Variants in SLAIN2 observed in about 807,000 individuals in gnomAD.
SLAIN2 encodes the protein SLAIN motif-containing protein 2.
SLAIN2 carries 31 observed loss-of-function variants against 56.6 expected under a neutral mutation model. That is an observed-to-expected ratio of 0.55 (90% CI 0.41 to 0.74). SLAIN2 has a LOEUF of 0.74. SLAIN2 is among the 30% of genes least tolerant of loss of function. The pLI is 0.00. For synonymous variants in SLAIN2, 317 were observed against 284.9 expected (o/e 1.11, Z -1.13); for missense variants, 777 against 754.2 (o/e 1.03, Z -0.35).
In SLAIN2 at chr4:48,378,013, C is replaced by T; in HGVS notation, c.656C>T (p.Pro219Leu). ...SSGFNSPSST[P>L]VRPPIVKQLI... ...GGCTTCAATTCTCCATCCTCAACCC[C>T]AGTGCGACCTCCTATAGTCAAACAG... is the stretch of plus-strand genomic sequence containing the variant. Residue 219 changes from proline (P) to leucine (L), a missense_variant, in exon 3 of 8, where the codon CCA becomes CTA. Coordinates refer to ENST00000264313, the MANE Select transcript of SLAIN2 (RefSeq NM_020846.2). 1 of 1,613,946 alleles carries T rather than the reference C, an allele frequency of 6.2e-7. No individual in the cohort carries two copies. The highest frequency in any genetic ancestry group is 1.1e-5 in the South Asian group (1 of 91,090).
chr4:48,383,627 A>G lies in SLAIN2; in HGVS notation c.1223-20A>G, dbSNP rs1398546218. ...CATCTGAAAGAATATGATTTTTTTA[A>G]AATTAAAATTCTGTTGCAGAAAAAC... On this transcript the variant is annotated intron_variant, in intron 5 of 7. Transcript: ENST00000264313. 1 of 1,484,600 alleles carries G rather than the reference A, an allele frequency of 6.7e-7. No individual in the cohort carries two copies. The highest frequency in any genetic ancestry group is 1.4e-5 in the African/African-American group (1 of 70,946). The allele number at this position is 1,484,600 out of a possible 1,614,324, so 92.0% of individuals were successfully genotyped here.
rs915669218 is a variant in SLAIN2 at position 48,362,079 on chromosome 4, T to C, written c.390-7770T>C. ...AGAGTTTTATAATGGATTTTCTATA[T>C]GCAGGATCATGTCTGCGATTAAACA... On this transcript the variant is annotated intron_variant, in intron 1 of 7. Coordinates refer to ENST00000264313, the MANE Select transcript of SLAIN2 (RefSeq NM_020846.2). 3.3e-5 allele frequency among the ~76,000 whole-genome samples: 5 copies of C among 152,300 alleles called. No homozygotes were observed. In the East Asian group the frequency reaches 5.8e-4, roughly 18 times the overall value.
At position 48,368,051 on chromosome 4, in the gene SLAIN2, C is replaced by CTTTTTTTTTTTTTTTTTTT. The variant is rs36096623; in HGVS notation, c.390-1785_390-1784insTTTTTTTTTTTTTTTTTTT. ...TTCACTGAACGTAGTGTTTTTGAGG[C>CTTTTTTTTTTTTTTTTTTT]TTTTTTTTTTTTTGACAGTGTTGCT... On this transcript the variant is annotated intron_variant, in intron 1 of 7. Coordinates refer to ENST00000264313, the MANE Select transcript of SLAIN2 (RefSeq NM_020846.2). 3.0e-3 allele frequency among the ~76,000 whole-genome samples: 270 copies of CTTTTTTTTTTTTTTTTTTT among 88,778 alleles called. 55 individuals are homozygous for CTTTTTTTTTTTTTTTTTTT. The highest frequency in any genetic ancestry group is 5.2e-3 in the African/African-American group (98 of 18,728). The allele number at this position is 88,778 out of a possible 152,430, so 58.2% of individuals were successfully genotyped here. A position where few individuals can be genotyped will look rare whatever the true frequency, so the allele number is the denominator to read the frequency against.
chr4:48,362,047 C>G (rs1320551808), intron 1 of SLAIN2, among the ~76,000 whole-genome samples: 1 of 151,304 alleles, frequency 6.6e-6, no homozygotes, highest in Non-Finnish European at 1.5e-5. Context: ...TTTATTATTT[C>G]TTTTTAAGAG....
At chr4:48,387,918 A>C (rs1716140994) in intron 6 of SLAIN2, among the ~76,000 whole-genome samples, 1 of 152,034 alleles carries the variant, frequency 6.6e-6, no homozygotes, top group African/African-American at 2.4e-5. Flanking sequence ...GGTATTTTGT[A>C]TTTTTTGTGT....
chr4:48,416,036 G>A (rs78251217), intron 6 of SLAIN2, among the ~76,000 whole-genome samples: 1 of 15,452 alleles, frequency 6.5e-5, no homozygotes, highest in East Asian at 1.4e-3. Context: ...TTGACTTGGC[G>A]ATGCGGGCTC....
chr4:48,422,013 C>A lies in SLAIN2; in HGVS notation c.1682C>A (p.Ser561Tyr). The A allele has an allele frequency of 6.2e-7, 1 of 1,607,406 alleles. No homozygotes were observed. ...RSKLAQPVRRSLPAPKTYGSM... is the reference protein window; with the variant it reads ...RSKLAQPVRRYLPAPKTYGSM... ...ATTACAAAATTGCTTTATTACAGAT[C>A]CTTGCCAGCTCCTAAAACCTATGGT... Residue 561 changes from serine (S) to tyrosine (Y), a missense_variant and splice_region_variant, in exon 8 of 8, where the codon TCC becomes TAC. Transcript: ENST00000264313.
At chr4:48,421,572 C>T (rs571647765) in intron 7 of SLAIN2, among the ~76,000 whole-genome samples, 1 of 152,074 alleles carries the variant, frequency 6.6e-6, no homozygotes, top group East Asian at 1.9e-4. Flanking sequence ...TGCCTAAGGC[C>T]ACATAGCTAA....
Position 48,419,081 on chromosome 4 carries a change from G to A in SLAIN2, c.1361-1044G>A, listed in dbSNP as rs191451075. ...GTTACAAAGTTGTAGTCAAGTCTTTGTGTGGACATAAGCTTTTTTCTGTTT... is the reference window on the plus strand; with the variant it reads ...GTTACAAAGTTGTAGTCAAGTCTTTATGTGGACATAAGCTTTTTTCTGTTT... On this transcript the variant is annotated intron_variant, in intron 6 of 7. Transcript: ENST00000264313. Among the ~76,000 whole-genome samples the A allele has an allele frequency of 2.0e-5, 3 of 150,894 alleles. No homozygotes were observed. In the East Asian group the frequency reaches 5.9e-4, roughly 29 times the overall value.
chr4:48,380,196 T>C (rs1715933367), intron 4 of SLAIN2, among the ~76,000 whole-genome samples: 1 of 152,150 alleles, frequency 6.6e-6, no homozygotes, highest in Admixed American at 6.5e-5. Flanking sequence ...CCAGCGTTTC[T>C]CAATTTTTTT....
At chr4:48,413,718 GTTTATT>G (rs1020705469) in intron 6 of SLAIN2, among the ~76,000 whole-genome samples, 11 of 152,166 alleles carry the variant, frequency 7.2e-5, no homozygotes, top group Admixed American at 4.6e-4. Flanking sequence ...TTGGCAATGT[GTTTATT>G]TTTATTACTA....
At chr4:48,389,112 G>C (rs1716169494) in intron 6 of SLAIN2, among the ~76,000 whole-genome samples, 1 of 149,282 alleles carries the variant, frequency 6.7e-6, no homozygotes, top group Non-Finnish European at 1.5e-5. Context: ...AAATAAATAA[G>C]TCATGATTAA....
intron 1 of SLAIN2, among the ~76,000 whole-genome samples, chr4:48,353,962 TTTA>T (rs1039859656): frequency 2.6e-5 from 4 of 152,198 alleles, no homozygotes; most frequent in Non-Finnish European, 5.9e-5. Context: ...AAAATTTTCA[TTTA>T]TTGATTGGAA....
At chr4:48,352,432 G>A (rs1301532836) in intron 1 of SLAIN2, among the ~76,000 whole-genome samples, 2 of 152,164 alleles carry the variant, frequency 1.3e-5, no homozygotes, top group African/African-American at 4.8e-5. Flanking sequence ...AGATTGTTTA[G>A]TTCCTCTTAA....
chr4:48,385,300 G>A (rs957411496), intron 6 of SLAIN2, among the ~76,000 whole-genome samples: 5 of 152,124 alleles, frequency 3.3e-5, no homozygotes, highest in East Asian at 1.9e-4. Flanking sequence ...TCTTATGAAC[G>A]CTCAGTATTC....
intron 6 of SLAIN2, among the ~76,000 whole-genome samples, chr4:48,411,274 G>A (rs577795460): frequency 6.6e-6 from 1 of 152,176 alleles, no homozygotes; most frequent in South Asian, 2.1e-4. Context: ...GAGTTTCCTA[G>A]GTCTTTCCAG....
intron 6 of SLAIN2, among the ~76,000 whole-genome samples, chr4:48,417,969 A>C (rs1439766335): frequency 1.3e-5 from 2 of 152,144 alleles, no homozygotes; most frequent in Non-Finnish European, 2.9e-5. Flanking sequence ...GACCTTACTG[A>C]ATTCACTTAT....
intron 6 of SLAIN2, 22 bp from the exon 7 acceptor site, chr4:48,420,103 G>A: frequency 6.2e-7 from 1 of 1,610,142 alleles, no homozygotes; most frequent in Non-Finnish European, 8.5e-7. Context: ...TCAAAAATTG[G>A]TTTTTCTTTG....
At position 48,424,362 on chromosome 4, in the gene SLAIN2, G is replaced by A. The variant is rs568163420; in HGVS notation, c.*2285G>A. The A allele has an allele frequency of 4.2e-4, 64 of 152,148 alleles. No homozygotes were observed. The highest frequency in any genetic ancestry group is 1.5e-3 in the African/African-American group (62 of 41,518). The allele number at this position is 152,148 out of a possible 1,614,324, so 9.4% of individuals were successfully genotyped here. A position where few individuals can be genotyped will look rare whatever the true frequency, so the allele number is the denominator to read the frequency against. Reference sequence around the variant, plus strand: ...GTGGTTAGTCTTACAGAAGAAATGTGGATTTGATAAACTAGTGCCTATGAT... The same window carrying A: ...GTGGTTAGTCTTACAGAAGAAATGTAGATTTGATAAACTAGTGCCTATGAT... On this transcript the variant is annotated 3_prime_UTR_variant, in exon 8 of 8. Transcript: ENST00000264313.
Sources: gnomAD v4.1 joint callset for allele counts (sites outside exome capture counted in the v4.1 genomes callset) on GRCh38, gnomAD v4.1.1 for gene constraint, MANE v1.5 for transcripts, NCBI Gene and HGNC (gene_info 2026-07-23, HGNC 2026-07-21) for gene names.